Variants in CDH20 observed in about 807,000 individuals in gnomAD.
The protein encoded by CDH20 is cadherin-20.
A neutral mutation model predicts 74.2 loss-of-function variants in CDH20; 29 were observed. The observed-to-expected ratio is 0.39, with a 90% CI of 0.29 to 0.53. The LOEUF is 0.53. Ranked by LOEUF, CDH20 falls within the 20% of genes least tolerant of loss-of-function variation. The pLI is 0.69. For missense variants in CDH20, 988 were observed against 1,048.3 expected (o/e 0.94, Z 0.79); for synonymous variants, 469 against 405.4 (o/e 1.16, Z -1.88).
intron 6 of CDH20, among the ~76,000 whole-genome samples, chr18:61,514,304 C>T (rs1911900091): frequency 6.6e-6 from 1 of 152,216 alleles, no homozygotes. Flanking sequence ...GCTCCTGAGG[C>T]TTCTGCATTC....
chr18:61,554,225 C>A lies in CDH20; in HGVS notation c.1936C>A (p.Arg646=), dbSNP rs2144419394. ...VLLILSMRRH[R]KQPYIIDDEE... is the part of the protein sequence containing the mutation. ...GCTCATTTTGTCCATGAGGCGGCAC[C>A]GGAAACAACCATACATCATCGACGA... The change falls in exon 12 of 12, where the codon CGG becomes AGG. Residue 646 remains arginine, a synonymous_variant. Transcript: ENST00000262717. 4.3e-6 allele frequency: 7 copies of A among 1,613,100 alleles called. No homozygotes were observed. The South Asian group carries it at 6.6e-5, about 15-fold the overall frequency.
chr18:61,437,154 C>T (rs961786268), intron 1 of CDH20, among the ~76,000 whole-genome samples: 9 of 152,106 alleles, frequency 5.9e-5, no homozygotes, highest in Admixed American at 2.0e-4. Flanking sequence ...GAATAATGTG[C>T]GGCAAGGGCA....
At position 61,500,450 on chromosome 18, in the gene CDH20, G is replaced by A; in HGVS notation, c.609G>A (p.Val203=). 6.2e-7 allele frequency: 1 copy of A among 1,612,824 alleles called. No homozygotes were observed. Among genetic ancestry groups the A allele is most frequent in the Non-Finnish European group, 8.5e-7 (1 of 1,179,124 alleles). The part of the protein sequence containing the change: ...DDPTYGNSAR[V]VYSILQGQPY... ...CGACCTACGGCAACAGTGCCAGGGT[G>A]GTGTACAGCATTCTTCAGGGCCAGC... is the stretch of plus-strand genomic sequence containing the variant. Residue 203 remains valine (V), a synonymous_variant, in exon 4 of 12, where the codon GTG becomes GTA. Transcript: ENST00000262717.
At chr18:61,351,766 A>C (rs1315970178) in intron 1 of CDH20, among the ~76,000 whole-genome samples, 1 of 152,144 alleles carries the variant, frequency 6.6e-6, no homozygotes, top group Admixed American at 6.5e-5. Context: ...TCTTTAAAAT[A>C]TATTCCTACT....
At chr18:61,479,464 C>T (rs1910509436) in intron 1 of CDH20, among the ~76,000 whole-genome samples, 1 of 152,188 alleles carries the variant, frequency 6.6e-6, no homozygotes, top group Admixed American at 6.5e-5. Context: ...CCACTCTCCC[C>T]TCCTTCGCCC....
intron 1 of CDH20, among the ~76,000 whole-genome samples, chr18:61,448,274 T>G (rs533690901): frequency 6.6e-5 from 10 of 152,358 alleles, no homozygotes; most frequent in African/African-American, 2.4e-4. Context: ...ACAGCATGTA[T>G]GGGAATAATG....
At chr18:61,516,842 A>T (rs1912018896) in intron 6 of CDH20, among the ~76,000 whole-genome samples, 1 of 152,142 alleles carries the variant, frequency 6.6e-6, no homozygotes, top group African/African-American at 2.4e-5. Flanking sequence ...CATAAGCAAG[A>T]GTTTGTGTCA....
At chr18:61,359,613 A>G (rs895517962) in intron 1 of CDH20, among the ~76,000 whole-genome samples, 1 of 152,128 alleles carries the variant, frequency 6.6e-6, no homozygotes, top group Non-Finnish European at 1.5e-5. Flanking sequence ...CTTCTTGAGA[A>G]GCTTGAGGCA....
intron 1 of CDH20, among the ~76,000 whole-genome samples, chr18:61,435,833 A>G (rs1216996847): frequency 6.6e-6 from 1 of 152,036 alleles, no homozygotes; most frequent in African/African-American, 2.4e-5. Context: ...TTTTTAATAT[A>G]TTCACATAGT....
intron 2 of CDH20, among the ~76,000 whole-genome samples, chr18:61,494,165 A>G (rs1470418271): frequency 2.0e-5 from 3 of 152,168 alleles, no homozygotes; most frequent in African/African-American, 7.2e-5. Context: ...CCAGACTGAA[A>G]TACACATCAC....
At chr18:61,376,406 T>C (rs1247551588) in intron 1 of CDH20, among the ~76,000 whole-genome samples, 1 of 152,160 alleles carries the variant, frequency 6.6e-6, no homozygotes, top group Non-Finnish European at 1.5e-5. Flanking sequence ...AGTAGTACTG[T>C]TCACATTATC....
intron 1 of CDH20, among the ~76,000 whole-genome samples, chr18:61,387,809 G>A (rs1027526049): frequency 7.9e-5 from 12 of 152,146 alleles, no homozygotes; most frequent in African/African-American, 2.9e-4. Context: ...CTCAATGCTT[G>A]TCCACGGTGG....
At chr18:61,490,111 C>G (rs1332008484) in intron 1 of CDH20, among the ~76,000 whole-genome samples, 2 of 152,108 alleles carry the variant, frequency 1.3e-5, no homozygotes, top group African/African-American at 4.8e-5. Context: ...TCAAACCAAT[C>G]AATAATACAG....
chr18:61,502,257 T>C (rs1828771125), intron 4 of CDH20, among the ~76,000 whole-genome samples: 1 of 152,144 alleles, frequency 6.6e-6, no homozygotes, highest in Non-Finnish European at 1.5e-5. Context: ...GCCTCTCTTC[T>C]TAAATGAAAC....
At chr18:61,410,173 TCTC>T (rs1236347036) in intron 1 of CDH20, among the ~76,000 whole-genome samples, 1 of 152,116 alleles carries the variant, frequency 6.6e-6, no homozygotes, top group African/African-American at 2.4e-5. Context: ...ACCACTGTGT[TCTC>T]CTTAGTTCAA....
chr18:61,449,503 T>C (rs1909311579), intron 1 of CDH20, among the ~76,000 whole-genome samples: 1 of 152,074 alleles, frequency 6.6e-6, no homozygotes, highest in Non-Finnish European at 1.5e-5. Context: ...GGCAGCATGT[T>C]GGCATCCGAT....
chr18:61,463,038 A>C (rs1909839818), intron 1 of CDH20, among the ~76,000 whole-genome samples: 1 of 152,194 alleles, frequency 6.6e-6, no homozygotes, highest in African/African-American at 2.4e-5. Flanking sequence ...TGTTATTGCA[A>C]TTGTGTGTTT....
rs771698651 is a variant in CDH20, at chr18:61,503,128, C to T, written c.829+8C>T. The stretch of plus-strand genomic sequence containing the variant: ...CACCCCGCTTTCCCCAGAGTGAGTA[C>T]CTAACCCAAGAGAGCACAGACCTCG... On this transcript the variant is annotated splice_region_variant and intron_variant, in intron 5 of 11. Transcript: ENST00000262717. The T allele has an allele frequency of 8.8e-6, 14 of 1,595,628 alleles. No homozygotes were observed. The highest frequency in any genetic ancestry group is 2.3e-5 in the South Asian group (2 of 87,366).
chr18:61,547,305 G>C (rs1033999114), intron 10 of CDH20, among the ~76,000 whole-genome samples: 3 of 152,094 alleles, frequency 2.0e-5, no homozygotes, highest in Non-Finnish European at 4.4e-5. Flanking sequence ...TCCAGACTGG[G>C]TGACAGAGTA....
Sources: gnomAD v4.1 joint callset for allele counts (sites outside exome capture counted in the v4.1 genomes callset) on GRCh38, gnomAD v4.1.1 for gene constraint, MANE v1.5 for transcripts, NCBI Gene and HGNC (gene_info 2026-07-23, HGNC 2026-07-21) for gene names.